Variants in ESR1 observed in about 807,000 individuals in gnomAD.
ESR1 encodes estrogen receptor 1.
A neutral mutation model predicts 52.7 loss-of-function variants in ESR1; 12 were observed. That is an observed-to-expected ratio of 0.23 (90% CI 0.15 to 0.37). The LOEUF (loss-of-function observed/expected upper bound fraction) is 0.37, where lower values mean the gene tolerates loss of function less well. Ranked by LOEUF, ESR1 falls within the 10% of genes least tolerant of loss-of-function variation. The probability of loss-of-function intolerance (pLI) is 1.00; values close to 1 mark genes in which losing one functional copy is unlikely to be tolerated. For synonymous variants in ESR1, 305 were observed against 316.8 expected (o/e 0.96, Z 0.39); for missense variants, 584 against 779.7 (o/e 0.75, Z 2.99).
intron 3 of ESR1, among the ~76,000 whole-genome samples, chr6:151,899,312 A>C (rs961174618): frequency 7.4e-5 from 6 of 81,312 alleles, no homozygotes; most frequent in Admixed American, 2.5e-4. Context: ...TGACCCCCCC[A>C]CCTCCCTCCC....
chr6:152,000,582 A>G (rs1409253023), intron 4 of ESR1, among the ~76,000 whole-genome samples: 2 of 151,950 alleles, frequency 1.3e-5, no homozygotes, highest in African/African-American at 2.4e-5. Context: ...AGATAAGTCA[A>G]TTCTCTTCTA....
At chr6:151,790,756 C>T (rs1310659101) in intron 2 of ESR1, among the ~76,000 whole-genome samples, 1 of 152,078 alleles carries the variant, frequency 6.6e-6, no homozygotes, top group Non-Finnish European at 1.5e-5. Flanking sequence ...TTAACCCTTG[C>T]CCAGCAAATC....
intron 6 of ESR1, among the ~76,000 whole-genome samples, chr6:152,118,708 C>T (rs940603280): frequency 1.2e-4 from 18 of 152,072 alleles, no homozygotes; most frequent in Non-Finnish European, 2.5e-4. Flanking sequence ...TGCAGCAAAC[C>T]ACCATGGCAC....
At chr6:151,919,613 C>T (rs1394936800) in intron 3 of ESR1, among the ~76,000 whole-genome samples, 1 of 152,122 alleles carries the variant, frequency 6.6e-6, no homozygotes, top group Non-Finnish European at 1.5e-5. Context: ...ACATGTTGAC[C>T]CCATCAATGT....
At chr6:151,768,498 G>A (rs1785244298) in intron 2 of ESR1, among the ~76,000 whole-genome samples, 2 of 152,292 alleles carry the variant, frequency 1.3e-5, no homozygotes, top group South Asian at 4.1e-4. Context: ...ATGGGCATTA[G>A]TAAGACAATT....
At chr6:151,812,435 T>A (rs140031631) in intron 1 of ESR1, among the ~76,000 whole-genome samples, 1 of 152,198 alleles carries the variant, frequency 6.6e-6, no homozygotes. Flanking sequence ...CTGCAACATT[T>A]GTCTGCAGCC....
chr6:151,906,830 TG>T (rs1181156958), intron 3 of ESR1, among the ~76,000 whole-genome samples: 1 of 151,222 alleles, frequency 6.6e-6, no homozygotes, highest in East Asian at 1.9e-4. Flanking sequence ...TTTCCTTCCC[TG>T]GACGCTATAA....
chr6:152,069,335 C>T (rs550936177), intron 6 of ESR1, among the ~76,000 whole-genome samples: 1 of 136,702 alleles, frequency 7.3e-6, no homozygotes, highest in Admixed American at 6.8e-5. Context: ...GGAGGGGGTC[C>T]TCACTCTGGC....
chr6:151,684,864 C>A (rs1387902409), intron 1 of ESR1, among the ~76,000 whole-genome samples: 1 of 152,124 alleles, frequency 6.6e-6, no homozygotes, highest in Non-Finnish European at 1.5e-5. Context: ...TAGGCAGGAC[C>A]CTCTTCCACT....
intron 5 of ESR1, among the ~76,000 whole-genome samples, chr6:152,034,797 C>G (rs1037497164): frequency 1.3e-5 from 2 of 152,250 alleles, no homozygotes; most frequent in East Asian, 3.9e-4. Flanking sequence ...TTTTTACTAA[C>G]GACTAGCAAA....
intron 5 of ESR1, among the ~76,000 whole-genome samples, chr6:152,015,190 C>G (rs576522150): frequency 1.3e-5 from 2 of 152,272 alleles, no homozygotes; most frequent in Non-Finnish European, 2.9e-5. Context: ...CTAAAAACAC[C>G]TGGTGGCTGA....
intron 6 of ESR1, among the ~76,000 whole-genome samples, chr6:152,086,311 T>C (rs2152478059): frequency 6.6e-6 from 1 of 151,830 alleles, no homozygotes; most frequent in South Asian, 2.1e-4. Flanking sequence ...CCGTAATGGC[T>C]TTGTCCCAAA....
At position 152,011,662 on chromosome 6, in the gene ESR1, T is replaced by C. The variant is rs773865486; in HGVS notation, c.1103T>C (p.Val368Ala). The change falls in exon 5 of 8, where the codon GTG becomes GCG. Residue 368 changes from valine (V) to alanine (A), a missense_variant. Physicochemically the swap from Val to Ala is moderately conservative, Grantham distance 64. This residue lies in a region of ESR1 where 141 missense variants were observed against 289.3 expected (regional missense o/e 0.49). Coordinates refer to ENST00000206249, the MANE Select transcript of ESR1 (RefSeq NM_000125.4). Reference sequence around the variant, plus strand: ...TTTTCTTGCTTGTTTTCAGGCTTTGTGGATTTGACCCTCCATGATCAGGTC... The same window carrying C: ...TTTTCTTGCTTGTTTTCAGGCTTTGCGGATTTGACCCTCCATGATCAGGTC... ...INWAKRVPGF[V>A]DLTLHDQVHL... The C allele has an allele frequency of 1.2e-6, 2 of 1,613,168 alleles. No homozygotes were observed. Among genetic ancestry groups the C allele is most frequent in the South Asian group, 1.1e-5 (1 of 91,076 alleles).
intron 5 of ESR1, among the ~76,000 whole-genome samples, chr6:152,051,290 A>G (rs940738727): frequency 4.6e-5 from 7 of 152,192 alleles, no homozygotes; most frequent in Non-Finnish European, 1.0e-4. Flanking sequence ...AGAGTCAGTC[A>G]TCTGCCTTGA....
At chr6:152,105,837 G>A (rs1205193992), downstream of ESR1, among the ~76,000 whole-genome samples, 1 of 142,616 alleles carries the variant, frequency 7.0e-6, no homozygotes. Flanking sequence ...CCGGACTGCG[G>A]ACTGCAGTGG....
intron 6 of ESR1, among the ~76,000 whole-genome samples, chr6:152,079,457 G>A (rs1164572478): frequency 6.6e-6 from 1 of 152,114 alleles, no homozygotes; most frequent in African/African-American, 2.4e-5. Context: ...CAACAAAAAG[G>A]ACATCCACAC....
At chr6:151,757,676 T>C (rs982457183) in intron 2 of ESR1, among the ~76,000 whole-genome samples, 3 of 152,220 alleles carry the variant, frequency 2.0e-5, no homozygotes, top group Non-Finnish European at 4.4e-5. Flanking sequence ...CTTGGACCCC[T>C]TTGCTTGTTT....
At chr6:151,897,452 T>A (rs1290299350) in intron 3 of ESR1, among the ~76,000 whole-genome samples, 1 of 152,256 alleles carries the variant, frequency 6.6e-6, no homozygotes, top group Non-Finnish European at 1.5e-5. Context: ...TTGTCTTTTT[T>A]AACTGCTGTT....
intron 6 of ESR1, among the ~76,000 whole-genome samples, chr6:152,121,342 CTGT>C (rs1484945392): frequency 6.6e-6 from 1 of 152,180 alleles, no homozygotes; most frequent in African/African-American, 2.4e-5. Context: ...ATTTCTGTGG[CTGT>C]TGTCTGCTCG....
Sources: allele counts gnomAD v4.1 joint callset (sites outside exome capture counted in the v4.1 genomes callset), GRCh38; gene constraint gnomAD v4.1.1; regional missense constraint gnomAD v4.1.1; transcripts MANE v1.5; gene names NCBI Gene and HGNC (gene_info 2026-07-23, HGNC 2026-07-21).